Variants in WDR41 observed in about 807,000 individuals in gnomAD.
WDR41 encodes the protein WD repeat domain 41, also known as WD repeat-containing protein 41.
WDR41 carries 63 observed loss-of-function variants against 69.3 expected under a neutral mutation model. That is an observed-to-expected ratio of 0.91 (90% CI 0.74 to 1.12). The LOEUF (loss-of-function observed/expected upper bound fraction) is 1.12. Ranked by LOEUF, WDR41 falls within the 50% of genes most tolerant of loss-of-function variation. The pLI is 0.00. For synonymous variants in WDR41, 185 were observed against 192.1 expected (o/e 0.96, Z 0.31); for missense variants, 543 against 534.5 (o/e 1.02, Z -0.16).
At chr5:77,582,578 A>C (rs1743958911) in intron 1 of WDR41, 11 of 1,600,118 alleles carry the variant, frequency 6.9e-6, no homozygotes, top group Non-Finnish European at 9.3e-6. Context: ...TACAGAACTG[A>C]AATTCGAGTG....
At chr5:77,442,701 G>A (rs892247659) in intron 8 of WDR41, among the ~76,000 whole-genome samples, 2 of 151,666 alleles carry the variant, frequency 1.3e-5, no homozygotes, top group South Asian at 4.2e-4. Flanking sequence ...GACCATCCTG[G>A]CTAAAACGGT....
At chr5:77,519,458 A>AT (rs1396003760) in intron 1 of WDR41, among the ~76,000 whole-genome samples, 3 of 151,790 alleles carry the variant, frequency 2.0e-5, no homozygotes, top group African/African-American at 4.8e-5. Context: ...TTTAGTCTTT[A>AT]TTTTTTTCAA....
chr5:77,496,247 G>GTAT (rs1306975616), upstream of WDR41, among the ~76,000 whole-genome samples: 2 of 152,072 alleles, frequency 1.3e-5, no homozygotes, highest in Admixed American at 6.5e-5. Flanking sequence ...CTTCAACACT[G>GTAT]TATTGGAAGT....
intron 1 of WDR41, among the ~76,000 whole-genome samples, chr5:77,514,166 A>T (rs1802253111): frequency 6.6e-6 from 1 of 152,166 alleles, no homozygotes; most frequent in East Asian, 1.9e-4. Flanking sequence ...CCACCTTTTA[A>T]ATCATTCTTA....
intron 1 of WDR41, chr5:77,499,494 C>T (rs1351937961): frequency 2.0e-5 from 3 of 152,226 alleles, no homozygotes; most frequent in Non-Finnish European, 2.9e-5. Flanking sequence ...CAACAGGAGA[C>T]TGCAGGAGCC....
intron 10 of WDR41, among the ~76,000 whole-genome samples, chr5:77,437,736 C>A (rs767900075): frequency 1.1e-4 from 17 of 152,086 alleles, no homozygotes; most frequent in Admixed American, 2.0e-4. Context: ...CTCTTGCTAC[C>A]TCTCTTCTCT....
At chr5:77,544,524 A>G (rs1055059524) in intron 1 of WDR41, among the ~76,000 whole-genome samples, 3 of 152,122 alleles carry the variant, frequency 2.0e-5, no homozygotes, top group Non-Finnish European at 4.4e-5. Flanking sequence ...AGCTGTTCTT[A>G]TATCAGACAC....
chr5:77,492,276 C>T lies in WDR41; in HGVS notation c.-56G>A. The T allele has an allele frequency of 2.5e-6, 4 of 1,604,574 alleles. No individual in the cohort carries two copies. The highest frequency in any genetic ancestry group is 3.4e-6 in the Non-Finnish European group (4 of 1,175,990). On this transcript the variant is annotated 5_prime_UTR_variant, in exon 1 of 13. Coordinates refer to ENST00000296679, the MANE Select transcript of WDR41 (RefSeq NM_018268.4). ...GCCCCAGTCAGCCCAAACTCCGCCC[C>T]AGGCTCGGCCTCCTCCTTCCTCCCC...
chr5:77,486,495 A>T (rs925313527), intron 2 of WDR41, among the ~76,000 whole-genome samples: 3 of 152,140 alleles, frequency 2.0e-5, no homozygotes, highest in Non-Finnish European at 2.9e-5. Flanking sequence ...AAGTTTATTT[A>T]CCCACTCACT....
At chr5:77,554,321 TC>T (rs1401800499) in intron 1 of WDR41, among the ~76,000 whole-genome samples, 1 of 152,266 alleles carries the variant, frequency 6.6e-6, no homozygotes, top group East Asian at 1.9e-4. Context: ...AATGTTTCTG[TC>T]CCCCTGAAAT....
chr5:77,471,497 T>G (rs12521686), intron 2 of WDR41, among the ~76,000 whole-genome samples: 2,027 of 152,198 alleles, frequency 0.013, 18 homozygotes, highest in Non-Finnish European at 0.02. Context: ...AACCGGTTTT[T>G]TGAAAAGATC....
At chr5:77,566,042 A>C (rs530447327) in intron 1 of WDR41, among the ~76,000 whole-genome samples, 5 of 152,252 alleles carry the variant, frequency 3.3e-5, no homozygotes, top group Middle Eastern at 3.4e-3. Flanking sequence ...TAGACAAGGA[A>C]ATAAACATAG....
At chr5:77,455,388 C>A (rs1302264337) in intron 5 of WDR41, among the ~76,000 whole-genome samples, 1 of 152,168 alleles carries the variant, frequency 6.6e-6, no homozygotes, top group Non-Finnish European at 1.5e-5. Flanking sequence ...ATCAGATATA[C>A]AATTTGAAAA....
chr5:77,481,958 C>T (rs1429955504), intron 2 of WDR41, among the ~76,000 whole-genome samples: 1 of 152,198 alleles, frequency 6.6e-6, no homozygotes, highest in Non-Finnish European at 1.5e-5. Context: ...ACTCAGAACA[C>T]TAGCAATATC....
intron 1 of WDR41, among the ~76,000 whole-genome samples, chr5:77,514,122 G>A (rs140167062): frequency 0.017 from 2,582 of 152,106 alleles, 59 homozygotes; most frequent in African/African-American, 0.057. Context: ...ACAGAATTAG[G>A]GAAATATATG....
At chr5:77,579,736 G>A (rs556658774) in intron 1 of WDR41, among the ~76,000 whole-genome samples, 4 of 152,216 alleles carry the variant, frequency 2.6e-5, no homozygotes, top group South Asian at 4.1e-4. Context: ...ACTCACACAC[G>A]TTGTAAAGTT....
At chr5:77,434,801 C>T (rs541255262) in intron 12 of WDR41, among the ~76,000 whole-genome samples, 1 of 152,238 alleles carries the variant, frequency 6.6e-6, no homozygotes, top group Admixed American at 6.5e-5. Flanking sequence ...GGTCTCAACA[C>T]TTTCACTCAG....
chr5:77,435,300 A>G lies in WDR41; in HGVS notation c.1227+961T>C, dbSNP rs568337250. On this transcript the variant is annotated intron_variant, in intron 12 of 12. Coordinates refer to ENST00000296679, the MANE Select transcript of WDR41 (RefSeq NM_018268.4). ...GTGTCAAGTCCTATATCCTCTAACC[A>G]TTTACAAGATTCAGCAAGAAATGTT... Among the ~76,000 whole-genome samples the G allele has an allele frequency of 7.2e-5, 11 of 152,322 alleles. No homozygotes were observed. The South Asian group carries it at 2.1e-3, about 29-fold the overall frequency.
chr5:77,570,188 T>G (rs1214482884), intron 1 of WDR41, among the ~76,000 whole-genome samples: 2 of 152,072 alleles, frequency 1.3e-5, no homozygotes, highest in African/African-American at 2.4e-5. Context: ...TTGCTAACAG[T>G]GTGACTTTCA....
Sources: gnomAD v4.1 joint callset for allele counts (sites outside exome capture counted in the v4.1 genomes callset) on GRCh38, gnomAD v4.1.1 for gene constraint, MANE v1.5 for transcripts, NCBI Gene and HGNC (gene_info 2026-07-23, HGNC 2026-07-21) for gene names.